Variants in ALCAM observed in about 807,000 individuals in gnomAD.
The protein encoded by ALCAM is CD166 antigen.
In ALCAM, 30 loss-of-function variants were observed where a neutral mutation model predicts 70.9. The ratio of observed to expected loss-of-function variants is 0.42; its 90% CI spans 0.32 to 0.57. The LOEUF is 0.57. Ranked by LOEUF, ALCAM falls within the 20% of genes least tolerant of loss-of-function variation. The probability of loss-of-function intolerance (pLI) is 0.11; values close to 1 mark genes in which losing one functional copy is unlikely to be tolerated. For synonymous variants in ALCAM, 249 were observed against 242.5 expected (o/e 1.03, Z -0.25); for missense variants, 591 against 695.1 (o/e 0.85, Z 1.68).
intron 1 of ALCAM, among the ~76,000 whole-genome samples, chr3:105,443,618 A>G: frequency 6.6e-6 from 1 of 152,352 alleles, no homozygotes; most frequent in East Asian, 1.9e-4. Flanking sequence ...GTTTCTTTTA[A>G]ATTATAATAA....
At chr3:105,555,552 G>A (rs540058833) in intron 14 of ALCAM, among the ~76,000 whole-genome samples, 2 of 152,058 alleles carry the variant, frequency 1.3e-5, no homozygotes, top group African/African-American at 4.8e-5. Context: ...GATACAGCTA[G>A]CAAAGCAGTG....
intron 1 of ALCAM, among the ~76,000 whole-genome samples, chr3:105,468,763 T>A (rs956085813): frequency 6.6e-6 from 1 of 151,334 alleles, no homozygotes; most frequent in Non-Finnish European, 1.5e-5. Context: ...AAATGTGAAG[T>A]AGCGTGTCTA....
intron 1 of ALCAM, among the ~76,000 whole-genome samples, chr3:105,401,652 G>A (rs1200015081): frequency 6.6e-6 from 1 of 152,124 alleles, no homozygotes; most frequent in Non-Finnish European, 1.5e-5. Context: ...AAATCATTCT[G>A]ACTCTTTTAG....
chr3:105,478,686 G>A (rs1274249304), intron 1 of ALCAM, among the ~76,000 whole-genome samples: 1 of 152,038 alleles, frequency 6.6e-6, no homozygotes, highest in Non-Finnish European at 1.5e-5. Context: ...AGTACAATAA[G>A]AGCTTTTCTA....
intron 1 of ALCAM, among the ~76,000 whole-genome samples, chr3:105,406,152 C>A (rs1384829760): frequency 6.6e-6 from 1 of 152,108 alleles, no homozygotes; most frequent in Non-Finnish European, 1.5e-5. Context: ...TGCTCTGGAG[C>A]CTCAGTAAAT....
At chr3:105,372,333 A>T (rs1239924737) in intron 1 of ALCAM, among the ~76,000 whole-genome samples, 1 of 152,128 alleles carries the variant, frequency 6.6e-6, no homozygotes, top group African/African-American at 2.4e-5. Context: ...CTCTGCTTAA[A>T]TAATAAATTT....
chr3:105,551,997 T>A lies in ALCAM; in HGVS notation c.1508-147T>A, dbSNP rs553118274. 5.5e-3 allele frequency: 2,885 copies of A among 529,202 alleles called. 26 individuals carry two copies. Among genetic ancestry groups the A allele is most frequent in the Middle Eastern group, 0.022 (41 of 1,900 alleles). 32.8% of individuals were successfully genotyped at this position (529,202 alleles called of 1,614,324 possible). On this transcript the variant is annotated intron_variant, in intron 12 of 15. Transcript: ENST00000306107. ...TCTTTGTAGGCAAGGTCATACTTTA[T>A]TAAGTGTGATTTTTTTTTTTTTACT... is the stretch of plus-strand genomic sequence containing the variant.
At chr3:105,411,362 A>G (rs1269181163) in intron 1 of ALCAM, among the ~76,000 whole-genome samples, 1 of 152,088 alleles carries the variant, frequency 6.6e-6, no homozygotes, top group Non-Finnish European at 1.5e-5. Context: ...TACATTTTTC[A>G]TTGCATAGTA....
chr3:105,469,092 T>C (rs1000850371), intron 1 of ALCAM, among the ~76,000 whole-genome samples: 2 of 151,308 alleles, frequency 1.3e-5, no homozygotes, highest in Admixed American at 1.3e-4. Flanking sequence ...TGTGTATCAA[T>C]TCTGTATCAT....
At chr3:105,489,365 C>G (rs539888580) in intron 1 of ALCAM, among the ~76,000 whole-genome samples, 1 of 152,168 alleles carries the variant, frequency 6.6e-6, no homozygotes, top group East Asian at 1.9e-4. Context: ...ATTCCAATGG[C>G]TTACAGTGAA....
At chr3:105,395,168 G>T (rs1460862984) in intron 1 of ALCAM, among the ~76,000 whole-genome samples, 1 of 140,642 alleles carries the variant, frequency 7.1e-6, no homozygotes, top group Non-Finnish European at 1.6e-5. Flanking sequence ...AGGATTTCTG[G>T]TATTAAAATT....
At chr3:105,486,563 A>ATTCTC (rs1938433355) in intron 1 of ALCAM, among the ~76,000 whole-genome samples, 1 of 152,172 alleles carries the variant, frequency 6.6e-6, no homozygotes, top group South Asian at 2.1e-4. Context: ...TTTGTTTTTA[A>ATTCTC]AAAGAAGAGA....
intron 2 of ALCAM, 42 bp downstream of exon 2, chr3:105,520,209 C>A: frequency 7.4e-7 from 1 of 1,356,140 alleles, no homozygotes; most frequent in South Asian, 1.2e-5. Flanking sequence ...TGCCCTTGTT[C>A]TTTTAAATAA....
At chr3:105,399,264 AT>A (rs956079917) in intron 1 of ALCAM, among the ~76,000 whole-genome samples, 5 of 151,542 alleles carry the variant, frequency 3.3e-5, no homozygotes, top group East Asian at 1.9e-4. Flanking sequence ...TTGCTGACCT[AT>A]TTTTTTTCTT....
chr3:105,457,563 A>T (rs1216552883), intron 1 of ALCAM, among the ~76,000 whole-genome samples: 9 of 152,158 alleles, frequency 5.9e-5, no homozygotes, highest in South Asian at 2.1e-4. Context: ...TAAAAAAAAA[A>T]ATTTTTTTTT....
At chr3:105,440,117 G>T (rs1937139372) in intron 1 of ALCAM, among the ~76,000 whole-genome samples, 1 of 152,112 alleles carries the variant, frequency 6.6e-6, no homozygotes, top group Non-Finnish European at 1.5e-5. Flanking sequence ...GAAAATTAAC[G>T]TGATCAGGCT....
chr3:105,556,201 G>C (rs1188370643), intron 14 of ALCAM, among the ~76,000 whole-genome samples: 1 of 151,902 alleles, frequency 6.6e-6, no homozygotes, highest in Admixed American at 6.6e-5. Context: ...AAAATTAAAA[G>C]AGCTGAAGTT....
intron 1 of ALCAM, among the ~76,000 whole-genome samples, chr3:105,434,793 T>C (rs1348316748): frequency 1.3e-5 from 2 of 152,160 alleles, no homozygotes; most frequent in Non-Finnish European, 1.5e-5. Flanking sequence ...GTGAAATCAT[T>C]GTTTAAATGA....
chr3:105,380,344 T>TA (rs1279227592), intron 1 of ALCAM, among the ~76,000 whole-genome samples: 1 of 151,878 alleles, frequency 6.6e-6, no homozygotes, highest in Non-Finnish European at 1.5e-5. Context: ...CTAACATGGT[T>TA]AAAAAATTTA....
Sources: gnomAD v4.1 joint callset for allele counts (sites outside exome capture counted in the v4.1 genomes callset) on GRCh38, gnomAD v4.1.1 for gene constraint, MANE v1.5 for transcripts, NCBI Gene and HGNC (gene_info 2026-07-23, HGNC 2026-07-21) for gene names.